The following CNTLN variants were observed in gnomAD, a reference collection of about 807,000 sequenced individuals.
CNTLN encodes centlein, also known as centlein, centrosomal protein.
Under a neutral mutation model 180.0 loss-of-function variants are expected in CNTLN, and 212 were observed. That is an observed-to-expected ratio of 1.18 (90% CI 1.05 to 1.32). The LOEUF (loss-of-function observed/expected upper bound fraction) is 1.32. CNTLN is among the 40% of genes most tolerant of loss of function. The pLI, the probability that CNTLN is intolerant of heterozygous loss-of-function variation, is 0.00. For synonymous variants in CNTLN, 722 were observed against 563.1 expected, an observed-to-expected ratio of 1.28 and a Z score of -3.99; for missense variants, 2,095 against 1,610.9, an observed-to-expected ratio of 1.30 and a Z score of -5.14.
chr9:17,500,507 G>C (rs1833687936), intron 25 of CNTLN, among the ~76,000 whole-genome samples: 1 of 152,170 alleles, frequency 6.6e-6, no homozygotes, highest in Non-Finnish European at 1.5e-5. Context: ...TGTTCCCCAA[G>C]CTGTGTTTCA....
Position 17,484,412 on chromosome 9 carries a change from T to C in CNTLN, c.3973T>C (p.Leu1325=). ...AACCTCAACCCATAAAGCCCAGACC[T>C]TGGCAGCTTCTATCCTGAACATTTC... ...CKTSTHKAQT[L]AASILNISRS... is the part of the protein sequence containing the mutation. Residue 1325 remains leucine (L), a synonymous_variant, in exon 24 of 26, where the codon TTG becomes CTG. Coordinates refer to ENST00000380647, the MANE Select transcript of CNTLN (RefSeq NM_017738.4). 1 of 1,611,774 alleles carries C rather than the reference T, an allele frequency of 6.2e-7. No homozygotes were observed. Among genetic ancestry groups the C allele is most frequent in the Non-Finnish European group, 8.5e-7 (1 of 1,179,308 alleles).
At chr9:17,337,321 C>T (rs1161597295) in intron 10 of CNTLN, among the ~76,000 whole-genome samples, 1 of 152,046 alleles carries the variant, frequency 6.6e-6, no homozygotes, top group Admixed American at 6.5e-5. Context: ...TTATTAGATC[C>T]CATTTGTCAA....
At chr9:17,307,751 C>T (rs117104033) in intron 7 of CNTLN, among the ~76,000 whole-genome samples, 11 of 151,980 alleles carry the variant, frequency 7.2e-5, no homozygotes, top group Non-Finnish European at 1.2e-4. Context: ...AACATGCATA[C>T]AGAAATGTAC....
At chr9:17,311,088 G>T (rs1031879539) in intron 8 of CNTLN, among the ~76,000 whole-genome samples, 1 of 151,650 alleles carries the variant, frequency 6.6e-6, no homozygotes, top group African/African-American at 2.4e-5. Context: ...GCAATGGTGC[G>T]ATCTCAGCTC....
intron 2 of CNTLN, among the ~76,000 whole-genome samples, chr9:17,211,287 T>C (rs1348778930): frequency 1.3e-5 from 2 of 152,238 alleles, no homozygotes; most frequent in African/African-American, 4.8e-5. Context: ...TAGCCAGTTT[T>C]CGCAGCACCA....
Position 17,366,613 on chromosome 9 carries a change from A to T in CNTLN, c.1887-4A>T, listed in dbSNP as rs1823842779. The T allele has an allele frequency of 2.8e-6, 4 of 1,418,676 alleles. No individual in the cohort carries two copies. In the African/African-American group the frequency reaches 4.3e-5, roughly 15 times the overall value. 87.9% of individuals were successfully genotyped at this position (1,418,676 alleles called of 1,614,324 possible). A position where few individuals can be genotyped will look rare whatever the true frequency, so the allele number is the denominator to read the frequency against. On this transcript the variant is annotated splice_polypyrimidine_tract_variant and splice_region_variant and intron_variant, in intron 12 of 25. Transcript: ENST00000380647. Reference sequence around the variant, plus strand: ...TTAAGTAAATGTTTATTGCTTTTTCATAGGATGAATCTTGAAGAAGAATTA... The same window carrying T: ...TTAAGTAAATGTTTATTGCTTTTTCTTAGGATGAATCTTGAAGAAGAATTA...
intron 12 of CNTLN, among the ~76,000 whole-genome samples, chr9:17,349,293 C>A (rs914299753): frequency 1.3e-5 from 2 of 152,132 alleles, no homozygotes; most frequent in Admixed American, 1.3e-4. Context: ...ATGGGCCAGG[C>A]AGTCTTACTT....
intron 2 of CNTLN, among the ~76,000 whole-genome samples, chr9:17,222,214 A>T (rs780038658): frequency 6.6e-6 from 1 of 152,082 alleles, no homozygotes; most frequent in African/African-American, 2.4e-5. Context: ...TTCTCTGAAG[A>T]GTACTTTTCA....
At chr9:17,216,257 G>A (rs959631117) in intron 2 of CNTLN, among the ~76,000 whole-genome samples, 4 of 152,178 alleles carry the variant, frequency 2.6e-5, no homozygotes, top group African/African-American at 9.7e-5. Context: ...CAGGTAACTG[G>A]ATTTGTAATC....
At chr9:17,296,085 G>A (rs1270175318) in intron 6 of CNTLN, among the ~76,000 whole-genome samples, 1 of 150,970 alleles carries the variant, frequency 6.6e-6, no homozygotes, top group African/African-American at 2.4e-5. Context: ...GGGGTGGTGC[G>A]ATCTCGGCTC....
At chr9:17,495,236 A>T (rs1054458596) in intron 25 of CNTLN, among the ~76,000 whole-genome samples, 1 of 152,062 alleles carries the variant, frequency 6.6e-6, no homozygotes, top group African/African-American at 2.4e-5. Flanking sequence ...TTATTAAAAA[A>T]AAAAACTTAA....
At chr9:17,263,689 T>C (rs937948485) in intron 5 of CNTLN, among the ~76,000 whole-genome samples, 1 of 141,736 alleles carries the variant, frequency 7.1e-6, no homozygotes, top group African/African-American at 2.8e-5. Flanking sequence ...TTTCTGCACA[T>C]CCTCTCCAGC....
At chr9:17,151,445 T>G (rs1486347830) in intron 2 of CNTLN, among the ~76,000 whole-genome samples, 1 of 151,894 alleles carries the variant, frequency 6.6e-6, no homozygotes, top group Non-Finnish European at 1.5e-5. Context: ...GTGATGGTTC[T>G]GTTTATGTGA....
intron 5 of CNTLN, among the ~76,000 whole-genome samples, chr9:17,271,192 C>T (rs1325171261): frequency 6.6e-6 from 1 of 152,104 alleles, no homozygotes; most frequent in Non-Finnish European, 1.5e-5. Context: ...CTGCCCACCT[C>T]AGCCTCCCAA....
intron 5 of CNTLN, among the ~76,000 whole-genome samples, chr9:17,244,211 TG>T (rs1563915998): frequency 2.6e-3 from 207 of 79,154 alleles, no homozygotes; most frequent in African/African-American, 0.011. Context: ...GTTAGGTTTT[TG>T]TTTTTGTTTT....
At chr9:17,210,048 T>G (rs985483856) in intron 2 of CNTLN, among the ~76,000 whole-genome samples, 23 of 152,112 alleles carry the variant, frequency 1.5e-4, no homozygotes, top group African/African-American at 5.3e-4. Flanking sequence ...TGGACAGAAG[T>G]TATTTTTATT....
intron 7 of CNTLN, chr9:17,299,039 C>G (rs535469048): frequency 1.9e-6 from 1 of 538,004 alleles, no homozygotes. Context: ...GTCAAGAGAT[C>G]GAGACCATCC....
intron 6 of CNTLN, among the ~76,000 whole-genome samples, chr9:17,274,469 CTATCT>C (rs1563946966): frequency 6.9e-6 from 1 of 144,160 alleles, no homozygotes; most frequent in East Asian, 2.3e-4. Flanking sequence ...ATCTATCTAT[CTATCT>C]ATCTATCTAT....
At chr9:17,294,946 C>A (rs1290359819) in intron 6 of CNTLN, among the ~76,000 whole-genome samples, 1 of 145,218 alleles carries the variant, frequency 6.9e-6, no homozygotes, top group Non-Finnish European at 1.5e-5. Context: ...GAGGCTCAGG[C>A]ATGGTGGGCT....
Sources: gnomAD v4.1 joint callset for allele counts (sites outside exome capture counted in the v4.1 genomes callset) on GRCh38, gnomAD v4.1.1 for gene constraint, MANE v1.5 for transcripts, NCBI Gene and HGNC (gene_info 2026-07-23, HGNC 2026-07-21) for gene names.